AKAP13: variants seen among roughly 807,000 people sequenced by gnomAD.
The protein encoded by AKAP13 is A-kinase anchoring protein 13.
Under a neutral mutation model 264.5 loss-of-function variants are expected in AKAP13, and 80 were observed. The observed-to-expected ratio is 0.30, with a 90% CI of 0.25 to 0.36. AKAP13 has a LOEUF of 0.36. AKAP13 is among the 10% of genes least tolerant of loss of function. The pLI is 1.00. For missense variants in AKAP13, 3,712 were observed against 3,435.2 expected (o/e 1.08, Z -2.01); for synonymous variants, 1,380 against 1,250.2 (o/e 1.10, Z -2.19).
At chr15:85,471,320 C>T (rs1567074280) in intron 1 of AKAP13, among the ~76,000 whole-genome samples, 1 of 152,160 alleles carries the variant, frequency 6.6e-6, no homozygotes, top group East Asian at 1.9e-4. Flanking sequence ...ATGGTGAAAC[C>T]CTGTCTCTAC....
At chr15:85,721,425 T>C (rs562125084) in intron 23 of AKAP13, among the ~76,000 whole-genome samples, 2 of 152,230 alleles carry the variant, frequency 1.3e-5, no homozygotes, top group African/African-American at 4.8e-5. Context: ...ATGAACTGCA[T>C]ACAGAAATTC....
intron 8 of AKAP13, among the ~76,000 whole-genome samples, chr15:85,606,601 G>A (rs1168756155): frequency 6.6e-6 from 1 of 152,198 alleles, no homozygotes; most frequent in Non-Finnish European, 1.5e-5. Context: ...AGTTCTAATG[G>A]AGTCAGAGGC....
intron 30 of AKAP13, among the ~76,000 whole-genome samples, chr15:85,734,124 C>T (rs2088260791): frequency 6.7e-6 from 1 of 149,612 alleles, no homozygotes; most frequent in South Asian, 2.1e-4. Flanking sequence ...TGAGCCACTG[C>T]ACCCAGCTGT....
rs141718823 is a variant in AKAP13, at chr15:85,658,965, A to T, written c.4799+375A>T. On this transcript the variant is annotated intron_variant, in intron 12 of 36. Transcript: ENST00000394518. ...GAGTACTTTTTTTTTCTTTTCCACA[A>T]AAGAAAAACCAGGAATGTGTGTGTG... is the stretch of plus-strand genomic sequence containing the variant. Among the ~76,000 whole-genome samples the T allele has an allele frequency of 1.8e-4, 27 of 152,268 alleles. No individual in the cohort carries two copies. In the East Asian group the frequency reaches 5.0e-3, roughly 28 times the overall value.
intron 6 of AKAP13, among the ~76,000 whole-genome samples, chr15:85,576,354 T>C (rs568504840): frequency 6.6e-6 from 1 of 152,304 alleles, no homozygotes; most frequent in East Asian, 1.9e-4. Flanking sequence ...AGTGTTACTA[T>C]ATTTAAATCA....
intron 33 of AKAP13, among the ~76,000 whole-genome samples, chr15:85,738,797 C>CACTGCAG (rs2088734016): frequency 6.8e-6 from 1 of 147,896 alleles, no homozygotes; most frequent in Admixed American, 6.8e-5. Flanking sequence ...GAGATTGCGC[C>CACTGCAG]ACTGCAGTCC....
At chr15:85,730,392 T>C in intron 29 of AKAP13, 121 bp from the exon 30 acceptor site, 1 of 930,120 alleles carries the variant, frequency 1.1e-6, no homozygotes, top group Non-Finnish European at 1.6e-6. Context: ...GCAGTGTGGG[T>C]GGGGAGGGTG....
rs371455778 is a variant in AKAP13 at position 85,380,616 on chromosome 15, G to A, written c.-194G>A. ...CGGACTGGAGCTGTGTGCAGGGCCA[G>A]CGCGGAGCCCGAGCAGCCGCGGTGA... On this transcript the variant is annotated 5_prime_UTR_variant, in exon 1 of 37. Coordinates refer to ENST00000394518, the MANE Select transcript of AKAP13 (RefSeq NM_007200.5). The A allele has an allele frequency of 5.6e-5, 8 of 142,016 alleles. No individual in the cohort carries two copies. Among genetic ancestry groups the A allele is most frequent in the African/African-American group, 1.8e-4 (7 of 39,284 alleles). The allele number at this position is 142,016 out of a possible 1,614,324, so 8.8% of individuals were successfully genotyped here.
At chr15:85,545,930 C>T (rs1216434294) in intron 5 of AKAP13, among the ~76,000 whole-genome samples, 3 of 152,152 alleles carry the variant, frequency 2.0e-5, no homozygotes, top group Admixed American at 6.5e-5. Flanking sequence ...CACAGAGTTA[C>T]GTAACCATCA....
intron 23 of AKAP13, among the ~76,000 whole-genome samples, chr15:85,721,157 T>C (rs2151726748): frequency 6.6e-6 from 1 of 152,338 alleles, no homozygotes; most frequent in Admixed American, 6.5e-5. Flanking sequence ...CCTAGTAAGA[T>C]CTTTGGTGCT....
At chr15:85,693,200 T>A (rs1319739182) in intron 16 of AKAP13, 77 bp from the exon 17 acceptor site, 3 of 1,437,402 alleles carry the variant, frequency 2.1e-6, no homozygotes, top group Non-Finnish European at 2.7e-6. Context: ...GTTAACCACA[T>A]GCCATCTGGG....
intron 1 of AKAP13, among the ~76,000 whole-genome samples, chr15:85,482,066 T>G (rs1176947479): frequency 6.6e-6 from 1 of 152,236 alleles, no homozygotes. Context: ...TGCTCCTCCC[T>G]TTAGAACTCA....
intron 14 of AKAP13, among the ~76,000 whole-genome samples, chr15:85,676,400 G>A (rs746176844): frequency 2.0e-5 from 3 of 152,172 alleles, no homozygotes; most frequent in Non-Finnish European, 4.4e-5. Context: ...TTAGATGTTG[G>A]TACCACTCAC....
chr15:85,564,799 A>G (rs537661859), intron 5 of AKAP13, among the ~76,000 whole-genome samples: 53 of 152,304 alleles, frequency 3.5e-4, no homozygotes, highest in African/African-American at 9.1e-4. Context: ...AATCCCAACA[A>G]ATACTTGAGT....
intron 17 of AKAP13, 54 bp downstream of exon 17, chr15:85,693,505 G>C (rs1486152382): frequency 1.3e-6 from 2 of 1,585,798 alleles, no homozygotes; most frequent in Non-Finnish European, 1.7e-6. Flanking sequence ...GCTCAAGAAA[G>C]CTCATTTCTT....
chr15:85,505,231 A>G (rs1356499920), intron 2 of AKAP13, among the ~76,000 whole-genome samples: 2 of 152,352 alleles, frequency 1.3e-5, no homozygotes, highest in Admixed American at 6.5e-5. Flanking sequence ...AAACTACTCC[A>G]TAGACACAGA....
intron 1 of AKAP13, among the ~76,000 whole-genome samples, chr15:85,435,165 G>A (rs1305328261): frequency 1.3e-4 from 19 of 144,070 alleles, no homozygotes; most frequent in South Asian, 7.0e-4. Context: ...CGAGAACTAC[G>A]TGAAGAATGC....
rs1004845717 is a variant in AKAP13, at chr15:85,747,930, CAA to C, written c.*3255_*3256del. 6 of 153,110 alleles carry C rather than the reference CAA, an allele frequency of 3.9e-5. No individual in the cohort carries two copies. The highest frequency in any genetic ancestry group is 6.3e-3 in the Middle Eastern group (2 of 316). The allele number at this position is 153,110 out of a possible 1,614,324, so 9.5% of individuals were successfully genotyped here. A position where few individuals can be genotyped will look rare whatever the true frequency, so the allele number is the denominator to read the frequency against. On this transcript the variant is annotated 3_prime_UTR_variant, in exon 37 of 37. Coordinates refer to ENST00000394518, the MANE Select transcript of AKAP13 (RefSeq NM_007200.5). ...GAGGCCTCAGTATTAGTCGTGAGCA[CAA>C]AGTTTTGAGACCTTTGGCGTTGTTT...
intron 1 of AKAP13, among the ~76,000 whole-genome samples, chr15:85,467,737 GCTTA>G (rs2151015712): frequency 6.6e-6 from 1 of 152,276 alleles, no homozygotes; most frequent in South Asian, 2.1e-4. Context: ...AGTAATAACT[GCTTA>G]CTGAATTTTG....
Sources: allele counts gnomAD v4.1 joint callset (sites outside exome capture counted in the v4.1 genomes callset), GRCh38; gene constraint gnomAD v4.1.1; transcripts MANE v1.5; gene names NCBI Gene and HGNC (gene_info 2026-07-23, HGNC 2026-07-21).